HDAC9: variants seen among roughly 807,000 people sequenced by gnomAD.
The protein encoded by HDAC9 is MEF-2 interacting transcription repressor (MITR) protein.
A neutral mutation model predicts 139.4 loss-of-function variants in HDAC9; 41 were observed. That is an observed-to-expected ratio of 0.29 (90% confidence interval 0.23 to 0.38). The LOEUF (loss-of-function observed/expected upper bound fraction) is 0.38. Ranked by LOEUF, HDAC9 falls within the 10% of genes least tolerant of loss-of-function variation. The pLI, the probability that HDAC9 is intolerant of heterozygous loss-of-function variation, is 1.00. For missense variants in HDAC9, 1,147 were observed against 1,297.0 expected (o/e 0.88, Z 1.78); for synonymous variants, 517 against 476.2 (o/e 1.09, Z -1.12).
chr7:18,515,782 T>C (rs909655999), intron 2 of HDAC9, among the ~76,000 whole-genome samples: 1 of 152,216 alleles, frequency 6.6e-6, no homozygotes, highest in Non-Finnish European at 1.5e-5. Context: ...AATTGCTTAA[T>C]GAATATTCAT....
At chr7:18,743,953 T>G (rs1584957736) in intron 13 of HDAC9, among the ~76,000 whole-genome samples, 2 of 151,668 alleles carry the variant, frequency 1.3e-5, no homozygotes, top group South Asian at 2.1e-4. Context: ...GCCTCACAAA[T>G]TTTTTCTTTA....
At chr7:18,701,227 T>C (rs535171726) in intron 12 of HDAC9, among the ~76,000 whole-genome samples, 1 of 151,872 alleles carries the variant, frequency 6.6e-6, no homozygotes, top group South Asian at 2.1e-4. Context: ...AGAAAACAAC[T>C]CTCCGAGATA....
intron 2 of HDAC9, among the ~76,000 whole-genome samples, chr7:18,539,805 T>G (rs558971585): frequency 6.6e-6 from 1 of 152,204 alleles, no homozygotes; most frequent in Admixed American, 6.5e-5. Context: ...CTTCTACATC[T>G]TGCTTGTGAT....
chr7:18,442,744 A>AT (rs1233158523), intron 1 of HDAC9, among the ~76,000 whole-genome samples: 7 of 152,098 alleles, frequency 4.6e-5, no homozygotes, highest in Admixed American at 2.6e-4. Context: ...GAAAAGCTGT[A>AT]TTTTTTCTTC....
intron 22 of HDAC9, chr7:18,892,542 C>G (rs1188616901): frequency 1.3e-5 from 2 of 152,140 alleles, no homozygotes; most frequent in East Asian, 3.9e-4. Flanking sequence ...GGCAGTCTCT[C>G]TCCCTCTCTG....
At chr7:18,720,974 C>A (rs1175896374) in intron 12 of HDAC9, among the ~76,000 whole-genome samples, 1 of 152,094 alleles carries the variant, frequency 6.6e-6, no homozygotes, top group Non-Finnish European at 1.5e-5. Context: ...CCGCTGTGCC[C>A]AGCCTATTTT....
chr7:18,401,301 T>C (rs1207241719), intron 1 of HDAC9, among the ~76,000 whole-genome samples: 2 of 152,200 alleles, frequency 1.3e-5, no homozygotes, highest in African/African-American at 4.8e-5. Flanking sequence ...CTACTCTGTA[T>C]ACATCTTTTG....
intron 6 of HDAC9, among the ~76,000 whole-genome samples, chr7:18,615,942 G>A (rs1838456901): frequency 6.6e-6 from 1 of 152,136 alleles, no homozygotes; most frequent in Non-Finnish European, 1.5e-5. Context: ...CTAAAATGAA[G>A]GCATCACCCT....
At chr7:18,191,216 G>A (rs1327614422) in intron 2 of HDAC9, among the ~76,000 whole-genome samples, 4 of 152,058 alleles carry the variant, frequency 2.6e-5, no homozygotes, top group Non-Finnish European at 4.4e-5. Flanking sequence ...AATAAAGTAA[G>A]CTATACAAAA....
At chr7:18,993,145 T>TAGGGACAGC (rs56743908) in intron 25 of HDAC9, among the ~76,000 whole-genome samples, 8,079 of 151,566 alleles carry the variant, frequency 0.053, 696 homozygotes, top group African/African-American at 0.18. Context: ...ACATATTTTT[T>TAGGGACAGC]GATTATATGA....
chr7:18,571,423 G>A (rs988195998), intron 2 of HDAC9, among the ~76,000 whole-genome samples: 1 of 152,310 alleles, frequency 6.6e-6, no homozygotes, highest in South Asian at 2.1e-4. Context: ...TGAGTGGATA[G>A]AACCTTGGTT....
At chr7:18,845,279 A>T (rs1796834456) in intron 21 of HDAC9, among the ~76,000 whole-genome samples, 1 of 152,160 alleles carries the variant, frequency 6.6e-6, no homozygotes, top group Admixed American at 6.5e-5. Context: ...CTCTTCTAAG[A>T]TACACACAGA....
intron 12 of HDAC9, among the ~76,000 whole-genome samples, chr7:18,687,191 A>T (rs113838716): frequency 1.3e-5 from 2 of 151,926 alleles, no homozygotes; most frequent in African/African-American, 4.8e-5. Flanking sequence ...TTCTGTATAT[A>T]CACATTTCCT....
intron 15 of HDAC9, among the ~76,000 whole-genome samples, chr7:18,763,223 A>G (rs183951080): frequency 6.6e-6 from 1 of 152,348 alleles, no homozygotes; most frequent in Admixed American, 6.5e-5. Context: ...GATAACATAC[A>G]GTAGGTAGGT....
chr7:18,759,801 A>G (rs1789216784), intron 14 of HDAC9, among the ~76,000 whole-genome samples: 1 of 152,196 alleles, frequency 6.6e-6, no homozygotes, highest in African/African-American at 2.4e-5. Flanking sequence ...TTGAGCATTC[A>G]GCTAGAATCA....
intron 1 of HDAC9, among the ~76,000 whole-genome samples, chr7:18,331,165 CTTTTG>C (rs1394167169): frequency 6.6e-6 from 1 of 151,452 alleles, no homozygotes; most frequent in Non-Finnish European, 1.5e-5. Context: ...AGCCTCTTAG[CTTTTG>C]TTTTAATTGT....
intron 22 of HDAC9, among the ~76,000 whole-genome samples, chr7:18,906,464 A>G (rs771931067): frequency 6.6e-6 from 1 of 152,176 alleles, no homozygotes; most frequent in Non-Finnish European, 1.5e-5. Context: ...AAATACAGAT[A>G]TAAATGTCTT....
rs542173798 is a variant in HDAC9, at chr7:18,982,918, G to T, written c.3170+6965G>T. On this transcript the variant is annotated intron_variant, in intron 25 of 25. Coordinates refer to ENST00000686413, the MANE Select transcript of HDAC9 (RefSeq NM_178425.4). ...TGTTTGGCTTGCTTACACTTTGAGG[G>T]CTATTATGAATAAAGCTGATCAATT... Among the ~76,000 whole-genome samples, 7 of 152,202 alleles carry T rather than the reference G, an allele frequency of 4.6e-5. No homozygotes were observed. In the South Asian group the frequency reaches 1.5e-3, roughly 32 times the overall value.
At chr7:18,283,273 A>G (rs1257029790) in intron 2 of HDAC9, among the ~76,000 whole-genome samples, 1 of 152,130 alleles carries the variant, frequency 6.6e-6, no homozygotes, top group Non-Finnish European at 1.5e-5. Context: ...GAAGTGCCAC[A>G]CACTTTCAAA....
Sources: allele counts gnomAD v4.1 joint callset (sites outside exome capture counted in the v4.1 genomes callset), GRCh38; gene constraint gnomAD v4.1.1; transcripts MANE v1.5; gene names NCBI Gene and HGNC (gene_info 2026-07-23, HGNC 2026-07-21).